The following DCLK1 variants were observed in gnomAD, a reference collection of about 807,000 sequenced individuals.
The protein encoded by DCLK1 is doublecortin like kinase 1, also known as serine/threonine-protein kinase DCLK1.
In DCLK1, 16 loss-of-function variants were observed where a neutral mutation model predicts 86.2. The observed-to-expected ratio is 0.19, with a 90% CI of 0.13 to 0.28. DCLK1 has a LOEUF of 0.28. Among genes scored for constraint, DCLK1 ranks in the 10% least tolerant of loss-of-function variants. DCLK1 has a pLI of 1.00. For missense variants in DCLK1, 590 were observed against 940.2 expected, an observed-to-expected ratio of 0.63 and a Z score of 4.87; for synonymous variants, 369 against 370.5, an observed-to-expected ratio of 1.00 and a Z score of 0.05.
At chr13:35,873,415 G>A (rs117374439) in intron 4 of DCLK1, among the ~76,000 whole-genome samples, 5,864 of 151,616 alleles carry the variant, frequency 0.039, 167 homozygotes, top group Middle Eastern at 0.075. Flanking sequence ...ACAGAGTCTC[G>A]CTCTTGTTGC....
At chr13:35,871,481 T>C in intron 4 of DCLK1, 141 bp from the exon 5 acceptor site, 1 of 726,508 alleles carries the variant, frequency 1.4e-6, no homozygotes, top group Non-Finnish European at 2.4e-6. Context: ...TTCTTGTCTA[T>C]GTCAATGAAA....
chr13:36,079,324 G>C (rs1884330904), intron 3 of DCLK1, among the ~76,000 whole-genome samples: 1 of 152,146 alleles, frequency 6.6e-6, no homozygotes, highest in African/African-American at 2.4e-5. Context: ...GGCAAGTAGA[G>C]AAAAGGAACA....
chr13:35,922,077 G>A (rs1172275099), intron 4 of DCLK1, among the ~76,000 whole-genome samples: 2 of 152,166 alleles, frequency 1.3e-5, no homozygotes, highest in Non-Finnish European at 2.9e-5. Context: ...TCCTGACCTT[G>A]AAACATATAG....
At chr13:35,907,236 C>G (rs919293994) in intron 4 of DCLK1, among the ~76,000 whole-genome samples, 2 of 152,146 alleles carry the variant, frequency 1.3e-5, no homozygotes, top group African/African-American at 4.8e-5. Context: ...AATCATGGCT[C>G]ACTGCTCACT....
intron 4 of DCLK1, among the ~76,000 whole-genome samples, chr13:35,887,878 C>CAAAAAAAAAAAAAAAA (rs760195385): frequency 2.6e-5 from 1 of 38,740 alleles, no homozygotes. Context: ...GATCTTGTCT[C>CAAAAAAAAAAAAAAAA]AAAAAAAAAA....
intron 3 of DCLK1, among the ~76,000 whole-genome samples, chr13:35,951,648 C>T (rs1877699911): frequency 6.6e-6 from 1 of 151,838 alleles, no homozygotes; most frequent in Non-Finnish European, 1.5e-5. Flanking sequence ...TGCCCTTATC[C>T]ATCACCTCTT....
At chr13:35,934,896 A>C (rs1447146358) in intron 4 of DCLK1, among the ~76,000 whole-genome samples, 1 of 152,200 alleles carries the variant, frequency 6.6e-6, no homozygotes. Flanking sequence ...AGCTAGATGC[A>C]TTTTAAAAAA....
intron 4 of DCLK1, among the ~76,000 whole-genome samples, chr13:35,910,091 CGT>C (rs1874925302): frequency 6.6e-6 from 1 of 152,164 alleles, no homozygotes; most frequent in Non-Finnish European, 1.5e-5. Context: ...AATCCAGACA[CGT>C]GTTCTCCAGC....
At chr13:35,838,304 C>CT (rs992636403) in intron 7 of DCLK1, among the ~76,000 whole-genome samples, 51 of 151,860 alleles carry the variant, frequency 3.4e-4, no homozygotes, top group Non-Finnish European at 3.7e-4. Context: ...CCAAAGGGTA[C>CT]TTTTTTCGGA....
At chr13:35,900,372 C>T (rs938467407) in intron 4 of DCLK1, among the ~76,000 whole-genome samples, 2 of 151,898 alleles carry the variant, frequency 1.3e-5, no homozygotes, top group Non-Finnish European at 2.9e-5. Context: ...TTCCAAGTAG[C>T]CGGGATTACA....
At chr13:35,887,678 G>T (rs544908562) in intron 4 of DCLK1, among the ~76,000 whole-genome samples, 2 of 152,124 alleles carry the variant, frequency 1.3e-5, no homozygotes, top group Admixed American at 6.5e-5. Context: ...TCTAGGAACT[G>T]ATCTTGTGAG....
chr13:35,903,608 C>A (rs1366889563), intron 4 of DCLK1, among the ~76,000 whole-genome samples: 1 of 151,748 alleles, frequency 6.6e-6, no homozygotes, highest in East Asian at 1.9e-4. Context: ...ATATTTAATG[C>A]CCTCAAAACT....
chr13:35,943,166 G>A (rs1593754710), intron 4 of DCLK1, among the ~76,000 whole-genome samples: 2 of 152,256 alleles, frequency 1.3e-5, no homozygotes, highest in East Asian at 1.9e-4. Flanking sequence ...ATGAGAAGAG[G>A]GAAATTCTAC....
chr13:35,996,139 T>C (rs1880465754), intron 3 of DCLK1, among the ~76,000 whole-genome samples: 1 of 152,122 alleles, frequency 6.6e-6, no homozygotes, highest in Admixed American at 6.6e-5. Flanking sequence ...ATGTTGGTCA[T>C]GCTGGTTGCA....
At chr13:36,092,882 A>C (rs1362880758) in intron 3 of DCLK1, among the ~76,000 whole-genome samples, 2 of 152,140 alleles carry the variant, frequency 1.3e-5, no homozygotes, top group Non-Finnish European at 2.9e-5. Context: ...TACCGTCTAA[A>C]TATCCTTTGC....
chr13:35,820,546 C>T (rs879485594), intron 11 of DCLK1, among the ~76,000 whole-genome samples: 10 of 152,080 alleles, frequency 6.6e-5, no homozygotes, highest in Non-Finnish European at 1.3e-4. Context: ...AACACTTCAG[C>T]GAGGAGTAAG....
At chr13:36,078,234 CT>C (rs1884282003) in intron 3 of DCLK1, among the ~76,000 whole-genome samples, 1 of 152,194 alleles carries the variant, frequency 6.6e-6, no homozygotes, top group African/African-American at 2.4e-5. Flanking sequence ...TGATCTTGAA[CT>C]TCCCAGCCTT....
At position 35,774,400 on chromosome 13, in the gene DCLK1, T is replaced by G; in HGVS notation, c.*135A>C. On this transcript the variant is annotated 3_prime_UTR_variant, in exon 17 of 17. Transcript: ENST00000360631. ...AAAGGGAAACCGCTACAAAGATACCTGAAAACACTTTCAGTTCTGCCATTC... is the reference window on the plus strand; with the variant it reads ...AAAGGGAAACCGCTACAAAGATACCGGAAAACACTTTCAGTTCTGCCATTC... 9.1e-7 allele frequency: 1 copy of G among 1,099,748 alleles called. No homozygotes were observed. 68.1% of individuals were successfully genotyped at this position (1,099,748 alleles called of 1,614,324 possible). A position where few individuals can be genotyped will look rare whatever the true frequency, so the allele number is the denominator to read the frequency against.
chr13:36,080,907 G>C (rs1416061341), intron 3 of DCLK1, among the ~76,000 whole-genome samples: 1 of 152,032 alleles, frequency 6.6e-6, no homozygotes, highest in Admixed American at 6.6e-5. Context: ...GTCACAACTG[G>C]GGGAAGGGAG....
Sources: allele counts gnomAD v4.1 joint callset (sites outside exome capture counted in the v4.1 genomes callset), GRCh38; gene constraint gnomAD v4.1.1; transcripts MANE v1.5; gene names NCBI Gene and HGNC (gene_info 2026-07-23, HGNC 2026-07-21).